Variants in DOCK3 observed in about 807,000 individuals in gnomAD.
DOCK3 encodes the protein dedicator of cytokinesis protein 3.
In DOCK3, 60 loss-of-function variants were observed where a neutral mutation model predicts 265.6. That is an observed-to-expected ratio of 0.23 (90% CI 0.18 to 0.28). The LOEUF (loss-of-function observed/expected upper bound fraction) is 0.28, where lower values mean the gene tolerates loss of function less well. Among genes scored for constraint, DOCK3 ranks in the 10% least tolerant of loss-of-function variants. The probability of loss-of-function intolerance (pLI) is 1.00; values close to 1 mark genes in which losing one functional copy is unlikely to be tolerated. For synonymous variants in DOCK3, 881 were observed against 938.0 expected, an observed-to-expected ratio of 0.94 and a Z score of 1.11; for missense variants, 1,981 against 2,594.3, an observed-to-expected ratio of 0.76 and a Z score of 5.14.
chr3:50,997,573 C>G (rs1303184713), intron 5 of DOCK3, among the ~76,000 whole-genome samples: 1 of 152,058 alleles, frequency 6.6e-6, no homozygotes, highest in African/African-American at 2.4e-5. Flanking sequence ...ATAAATAAAA[C>G]ATTAGAAAGA....
intron 4 of DOCK3, chr3:50,898,497 T>G (rs574813463): frequency 2.0e-4 from 30 of 152,426 alleles, no homozygotes; most frequent in African/African-American, 5.8e-4. Context: ...GCTCTGATCT[T>G]AGTTATTTCT....
intron 5 of DOCK3, among the ~76,000 whole-genome samples, chr3:50,966,067 T>C (rs1013746801): frequency 6.6e-6 from 1 of 151,850 alleles, no homozygotes; most frequent in African/African-American, 2.4e-5. Flanking sequence ...AGTGAGATAA[T>C]ACAGATTTGT....
At chr3:50,983,240 A>C (rs2077763122) in intron 5 of DOCK3, among the ~76,000 whole-genome samples, 1 of 152,090 alleles carries the variant, frequency 6.6e-6, no homozygotes, top group Non-Finnish European at 1.5e-5. Flanking sequence ...CCCTTGGAGC[A>C]AGCAGTCTCA....
rs1352868713 is a variant in DOCK3 at position 50,933,994 on chromosome 3, G to A, written c.232G>A (p.Val78Met). The A allele has an allele frequency of 6.2e-7, 1 of 1,605,382 alleles. No homozygotes were observed. Among genetic ancestry groups the A allele is most frequent in the Admixed American group, 1.7e-5 (1 of 59,270 alleles). ...CTCTGGTTCTAGGCAGTATGAAACT[G>A]TGGTTCCACTTGAAGATTCTATTGT... ...IVSNRGQYET[V>M]VPLEDSIVTE... The change falls in exon 5 of 53, where the codon GTG becomes ATG. Residue 78 changes from valine to methionine, a missense_variant. By Grantham distance (21) the Val-to-Met change is conservative. Around this residue, in one of 4 missense-constraint regions of DOCK3, gnomAD observed 456 missense variants for 539.0 expected, o/e 0.85. Coordinates refer to ENST00000266037, the MANE Select transcript of DOCK3 (RefSeq NM_004947.5).
intron 1 of DOCK3, among the ~76,000 whole-genome samples, chr3:50,741,433 C>A: frequency 8.6e-6 from 1 of 115,644 alleles, no homozygotes; most frequent in East Asian, 2.9e-4. Flanking sequence ...CCTCCCCCCA[C>A]CCCACAACAG....
At chr3:51,289,030 TAGGAC>T (rs1289103364) in intron 27 of DOCK3, among the ~76,000 whole-genome samples, 2 of 151,518 alleles carry the variant, frequency 1.3e-5, no homozygotes, top group Non-Finnish European at 2.9e-5. Context: ...ATAAATGACT[TAGGAC>T]AGGAGTGACA....
At chr3:51,373,594 G>A (rs972450331) in intron 49 of DOCK3, among the ~76,000 whole-genome samples, 4 of 152,336 alleles carry the variant, frequency 2.6e-5, no homozygotes, top group African/African-American at 7.2e-5. Context: ...CTGGACCTAC[G>A]GCTATGGTCT....
chr3:51,037,915 A>G (rs2080333425), intron 5 of DOCK3, among the ~76,000 whole-genome samples: 1 of 152,178 alleles, frequency 6.6e-6, no homozygotes. Flanking sequence ...CTAAAGAAAA[A>G]TGTGTCAGCC....
At chr3:50,739,861 C>T (rs889843820) in intron 1 of DOCK3, among the ~76,000 whole-genome samples, 2 of 152,044 alleles carry the variant, frequency 1.3e-5, no homozygotes, top group African/African-American at 4.8e-5. Context: ...TTCACCTTGA[C>T]ATTAAAAAAA....
At chr3:50,702,152 T>C (rs1027561444) in intron 1 of DOCK3, among the ~76,000 whole-genome samples, 1 of 152,202 alleles carries the variant, frequency 6.6e-6, no homozygotes, top group Non-Finnish European at 1.5e-5. Context: ...TAGATTTCTT[T>C]GGGTAGTATG....
At chr3:50,993,558 C>A (rs1339704361) in intron 5 of DOCK3, among the ~76,000 whole-genome samples, 1 of 152,210 alleles carries the variant, frequency 6.6e-6, no homozygotes, top group Non-Finnish European at 1.5e-5. Flanking sequence ...CTCTGCACCC[C>A]CAGCATGGTC....
intron 21 of DOCK3, among the ~76,000 whole-genome samples, chr3:51,243,849 T>C (rs1051998435): frequency 1.1e-4 from 17 of 152,350 alleles, no homozygotes; most frequent in Admixed American, 1.1e-3. Flanking sequence ...ATTTAGGTCT[T>C]TGATCCACTT....
In DOCK3 at chr3:50,716,748, A is replaced by G. The variant is rs2037138316; in HGVS notation, c.37+41448A>G. Among the ~76,000 whole-genome samples the G allele has an allele frequency of 1.3e-5, 2 of 151,840 alleles. 1 individual carries two copies. The highest frequency in any genetic ancestry group is 4.8e-5 in the African/African-American group (2 of 41,392). ...GGAATTTTAATATTTATTCCTGTTA[A>G]ACTGTTTTAGTTTCTAATTCTGACT... On this transcript the variant is annotated intron_variant, in intron 1 of 52. Transcript: ENST00000266037.
At chr3:50,873,555 T>C (rs1167381881) in intron 3 of DOCK3, among the ~76,000 whole-genome samples, 2 of 152,222 alleles carry the variant, frequency 1.3e-5, no homozygotes. Context: ...CTAGCTGTTA[T>C]CTCATTAGAT....
intron 3 of DOCK3, among the ~76,000 whole-genome samples, chr3:50,867,783 T>C (rs1245833668): frequency 6.6e-6 from 1 of 152,166 alleles, no homozygotes; most frequent in African/African-American, 2.4e-5. Flanking sequence ...TCTTACTTGA[T>C]CATGATGAAT....
intron 1 of DOCK3, among the ~76,000 whole-genome samples, chr3:50,752,448 AG>A (rs2039881232): frequency 2.0e-5 from 3 of 150,540 alleles, no homozygotes; most frequent in Non-Finnish European, 4.4e-5. Flanking sequence ...GGCGGAGGTT[AG>A]AGTGAGCTGA....
intron 23 of DOCK3, among the ~76,000 whole-genome samples, chr3:51,268,560 A>G (rs2080321717): frequency 6.6e-6 from 1 of 152,196 alleles, no homozygotes. Flanking sequence ...TCATTCAGTC[A>G]CTGCCAGGTA....
Position 51,299,289 on chromosome 3 carries a change from T to G in DOCK3, c.2923-10943T>G, listed in dbSNP as rs151017303. ...GTTTTTTTTTTCTTGTAAGTTTGTT[T>G]AAGTTATTTGTAGATTCTGGATATT... On this transcript the variant is annotated intron_variant, in intron 27 of 52. Transcript: ENST00000266037. Among the ~76,000 whole-genome samples the G allele has an allele frequency of 2.0e-5, 3 of 152,272 alleles. No homozygotes were observed. The South Asian group carries it at 6.2e-4, about 32-fold the overall frequency.
intron 1 of DOCK3, among the ~76,000 whole-genome samples, chr3:50,701,602 TG>T (rs2036045326): frequency 6.6e-6 from 1 of 152,256 alleles, no homozygotes; most frequent in South Asian, 2.1e-4. Context: ...TAGCCCCATT[TG>T]TCTATTTTTG....
Sources: allele counts gnomAD v4.1 joint callset (sites outside exome capture counted in the v4.1 genomes callset), GRCh38; gene constraint gnomAD v4.1.1; regional missense constraint gnomAD v4.1.1; transcripts MANE v1.5; gene names NCBI Gene and HGNC (gene_info 2026-07-23, HGNC 2026-07-21).